The following RNF145 variants were observed in gnomAD, a reference collection of about 807,000 sequenced individuals.
RNF145 encodes the protein ring finger protein 145.
A neutral mutation model predicts 57.3 loss-of-function variants in RNF145; 12 were observed. The observed-to-expected ratio is 0.21, with a 90% CI of 0.13 to 0.34. RNF145 has a LOEUF of 0.34. Ranked by LOEUF, RNF145 falls within the 10% of genes least tolerant of loss-of-function variation. RNF145 has a pLI of 1.00. For synonymous variants in RNF145, 262 were observed against 288.3 expected, an observed-to-expected ratio of 0.91 and a Z score of 0.92; for missense variants, 429 against 799.0, an observed-to-expected ratio of 0.54 and a Z score of 5.58.
chr5:159,208,977 G>T (rs879442713), intron 1 of RNF145, among the ~76,000 whole-genome samples: 2 of 151,920 alleles, frequency 1.3e-5, no homozygotes, highest in African/African-American at 2.4e-5. Flanking sequence ...GGCCCAGGAG[G>T]GGAGAGCAGG....
chr5:159,204,803 C>CAAAAAAAAAAAA (rs1163143098), intron 1 of RNF145, among the ~76,000 whole-genome samples: 1 of 47,028 alleles, frequency 2.1e-5, no homozygotes, highest in East Asian at 6.8e-4. Context: ...GACTCCGTCT[C>CAAAAAAAAAAAA]AAAAAAAAAA....
chr5:159,209,457 G>A lies in RNF145; in HGVS notation c.-266C>T. ...GGCCCGTACGGTCACCATCGTCCGCGGCAGCAGGCGCTCGCGGGCCGAGCC... is the reference window on the plus strand; with the variant it reads ...GGCCCGTACGGTCACCATCGTCCGCAGCAGCAGGCGCTCGCGGGCCGAGCC... On this transcript the variant is annotated 5_prime_UTR_variant, in exon 1 of 11. Coordinates refer to ENST00000424310, the MANE Select transcript of RNF145 (RefSeq NM_001199383.2). 2.0e-6 allele frequency: 2 copies of A among 982,452 alleles called. No homozygotes were observed. Among genetic ancestry groups the A allele is most frequent in the Non-Finnish European group, 2.4e-6 (2 of 827,224 alleles). The allele number at this position is 982,452 out of a possible 1,614,324, so 60.9% of individuals were successfully genotyped here.
chr5:159,158,685 A>G lies in RNF145; in HGVS notation c.1977T>C (p.Pro659=), dbSNP rs1370731874. 6.2e-7 allele frequency: 1 copy of G among 1,613,878 alleles called. No individual in the cohort carries two copies. The highest frequency in any genetic ancestry group is 1.1e-5 in the South Asian group (1 of 91,072). Residue 659 remains proline (P), a synonymous_variant, in exon 11 of 11, where the codon CCT becomes CCC. Coordinates refer to ENST00000424310, the MANE Select transcript of RNF145 (RefSeq NM_001199383.2). ...YPHSAKDEAH[P]VESA is the part of the protein sequence containing the mutation. ...TGCTTCTCCTCTAGGCTGATTCAACAGGATGTGCTTCATCTTTCGCACTGT... is the reference window on the plus strand; with the variant it reads ...TGCTTCTCCTCTAGGCTGATTCAACGGGATGTGCTTCATCTTTCGCACTGT...
intron 3 of RNF145, among the ~76,000 whole-genome samples, chr5:159,184,789 T>C (rs1031362626): frequency 5.3e-5 from 8 of 152,212 alleles, no homozygotes; most frequent in Non-Finnish European, 7.3e-5. Flanking sequence ...TATATTTCAT[T>C]CCTTTTTTAA....
In RNF145 at chr5:159,163,096, T is replaced by G; in HGVS notation, c.1122-17A>C. 1 of 1,580,302 alleles carries G rather than the reference T, an allele frequency of 6.3e-7. No individual in the cohort carries two copies. Among genetic ancestry groups the G allele is most frequent in the Non-Finnish European group, 8.6e-7 (1 of 1,169,138 alleles). On this transcript the variant is annotated splice_polypyrimidine_tract_variant and intron_variant, in intron 8 of 10. Coordinates refer to ENST00000424310, the MANE Select transcript of RNF145 (RefSeq NM_001199383.2). ...CACAAGCTCCTGGAGAAAGACAAAA[T>G]TATTCTTTTTAAGTGCCTGCCACCT...
intron 2 of RNF145, among the ~76,000 whole-genome samples, chr5:159,201,568 C>T (rs1447971730): frequency 6.6e-6 from 1 of 152,032 alleles, no homozygotes; most frequent in East Asian, 1.9e-4. Context: ...CTTTAAGATC[C>T]GGCAGACTGT....
At chr5:159,196,827 T>A (rs780449471) in intron 2 of RNF145, among the ~76,000 whole-genome samples, 36 of 152,242 alleles carry the variant, frequency 2.4e-4, no homozygotes, top group Non-Finnish European at 3.5e-4. Flanking sequence ...GTCTATTACA[T>A]GAAACTTCTC....
At chr5:159,192,638 A>G (rs1785325162) in intron 3 of RNF145, among the ~76,000 whole-genome samples, 1 of 152,238 alleles carries the variant, frequency 6.6e-6, no homozygotes, top group African/African-American at 2.4e-5. Flanking sequence ...AGTACTCACT[A>G]TGTCAGAAAC....
chr5:159,175,433 T>G (rs1278927685), intron 5 of RNF145, among the ~76,000 whole-genome samples: 2 of 152,090 alleles, frequency 1.3e-5, no homozygotes, highest in African/African-American at 2.4e-5. Context: ...AACATGACAT[T>G]AAAAAATGAA....
rs566701817 is a variant in RNF145 at position 159,181,859 on chromosome 5, T to C, written c.385+101A>G. ...TGGGAAAAGTCCCCATGAATCACTT[T>C]TGAGAATTCCGTTTTAAAAAAAAAT... On this transcript the variant is annotated intron_variant, in intron 4 of 10. Transcript: ENST00000424310. The C allele has an allele frequency of 6.7e-5, 47 of 700,464 alleles. No homozygotes were observed. The South Asian group carries it at 8.1e-4, about 12-fold the overall frequency. The allele number at this position is 700,464 out of a possible 1,614,324, so 43.4% of individuals were successfully genotyped here. A position where few individuals can be genotyped will look rare whatever the true frequency, so the allele number is the denominator to read the frequency against.
intron 6 of RNF145, among the ~76,000 whole-genome samples, chr5:159,170,687 A>G (rs906019313): frequency 6.6e-6 from 1 of 152,200 alleles, no homozygotes; most frequent in African/African-American, 2.4e-5. Flanking sequence ...CTTGAACTTC[A>G]GGGCAAAAGC....
chr5:159,168,767 C>T (rs936989533), intron 8 of RNF145, 106 bp downstream of exon 8: 5 of 636,534 alleles, frequency 7.9e-6, no homozygotes, highest in African/African-American at 5.7e-5. Flanking sequence ...ATACCAATTA[C>T]CCATATCCAT....
At chr5:159,176,592 A>T in intron 5 of RNF145, 40 bp downstream of exon 5, 1 of 1,111,394 alleles carries the variant, frequency 9.0e-7, no homozygotes, top group Non-Finnish European at 1.4e-6. Flanking sequence ...ACATTTATGT[A>T]GAATTTTATC....
chr5:159,207,239 G>A (rs1030803556), intron 1 of RNF145, among the ~76,000 whole-genome samples: 10 of 152,088 alleles, frequency 6.6e-5, no homozygotes, highest in African/African-American at 2.4e-4. Flanking sequence ...TCCTGAATAA[G>A]AAAAATGTAG....
intron 1 of RNF145, among the ~76,000 whole-genome samples, chr5:159,204,803 CAAAAAAAAAAAA>C (rs1163143098): frequency 6.4e-5 from 3 of 47,068 alleles, no homozygotes; most frequent in South Asian, 7.8e-4. Flanking sequence ...GACTCCGTCT[CAAAAAAAAAAAA>C]AAAAAAAAAA....
chr5:159,169,833 G>T lies in RNF145; in HGVS notation c.798-14C>A. 1 of 1,586,880 alleles carries T rather than the reference G, an allele frequency of 6.3e-7. No homozygotes were observed. Among genetic ancestry groups the T allele is most frequent in the Admixed American group, 1.9e-5 (1 of 53,308 alleles). On this transcript the variant is annotated splice_polypyrimidine_tract_variant and intron_variant, in intron 6 of 10. Coordinates refer to ENST00000424310, the MANE Select transcript of RNF145 (RefSeq NM_001199383.2). Reference sequence around the variant, plus strand: ...CATTCCGCAATACTGGAAAAAAAGAGGGGGAAATTAACAGACATAAACTTT... The same window carrying T: ...CATTCCGCAATACTGGAAAAAAAGATGGGGAAATTAACAGACATAAACTTT...
intron 7 of RNF145, among the ~76,000 whole-genome samples, 190 bp from the exon 8 acceptor site, chr5:159,169,245 T>TGTGCAAA (rs1277209940): frequency 3.3e-5 from 5 of 152,320 alleles, no homozygotes; most frequent in Non-Finnish European, 5.9e-5. Context: ...TATCACTACA[T>TGTGCAAA]GTGCAAAGGC....
intron 4 of RNF145, among the ~76,000 whole-genome samples, chr5:159,177,474 T>C (rs1259436437): frequency 6.6e-6 from 1 of 152,036 alleles, no homozygotes; most frequent in African/African-American, 2.4e-5. Context: ...TGGGAAACTC[T>C]CAGTCTCTTA....
At chr5:159,199,317 C>T (rs1419332150) in intron 2 of RNF145, among the ~76,000 whole-genome samples, 1 of 150,306 alleles carries the variant, frequency 6.7e-6, no homozygotes, top group Non-Finnish European at 1.5e-5. Context: ...GCAATATCAA[C>T]ACTTGAGAAG....
Sources: gnomAD v4.1 joint callset for allele counts (sites outside exome capture counted in the v4.1 genomes callset) on GRCh38, gnomAD v4.1.1 for gene constraint, MANE v1.5 for transcripts, NCBI Gene and HGNC (gene_info 2026-07-23, HGNC 2026-07-21) for gene names.